LARP4B: variants seen among roughly 807,000 people sequenced by gnomAD.
LARP4B encodes the protein la-related protein 4B.
LARP4B carries 12 observed loss-of-function variants against 89.8 expected under a neutral mutation model. That is an observed-to-expected ratio of 0.13 (90% CI 0.09 to 0.22). The LOEUF (loss-of-function observed/expected upper bound fraction) is 0.22, where lower values mean the gene tolerates loss of function less well. Among genes scored for constraint, LARP4B ranks in the 10% least tolerant of loss-of-function variants. The pLI, the probability that LARP4B is intolerant of heterozygous loss-of-function variation, is 1.00. For synonymous variants in LARP4B, 367 were observed against 363.3 expected (o/e 1.01, Z -0.12); for missense variants, 757 against 947.7 (o/e 0.80, Z 2.64).
chr10:917,674 A>G (rs926255803), intron 1 of LARP4B, among the ~76,000 whole-genome samples: 2 of 152,222 alleles, frequency 1.3e-5, no homozygotes, highest in African/African-American at 4.8e-5. Context: ...CCTCAAGAAG[A>G]GAGGAATTCA....
chr10:892,036 A>G (rs1393789281), intron 1 of LARP4B, among the ~76,000 whole-genome samples: 1 of 152,248 alleles, frequency 6.6e-6, no homozygotes, highest in Admixed American at 6.5e-5. Flanking sequence ...CATGGCCTAA[A>G]AGCAGATCTC....
At chr10:983,853 T>C in the LARP4B span, among the ~76,000 whole-genome samples, 2 of 152,214 alleles carry the variant, frequency 1.3e-5, no homozygotes, top group African/African-American at 4.8e-5. Flanking sequence ...TAATTTAGAC[T>C]GTCCAGACAC....
chr10:820,065 C>G (rs772186882), intron 14 of LARP4B: 6 of 151,942 alleles, frequency 3.9e-5, no homozygotes, highest in Non-Finnish European at 7.3e-5. Context: ...ACACTGCCAC[C>G]GTACCGTCCC....
the LARP4B span, among the ~76,000 whole-genome samples, chr10:940,520 G>A: frequency 1.1e-4 from 17 of 152,256 alleles, no homozygotes; most frequent in Admixed American, 2.0e-4. Flanking sequence ...GGCCAGGAAC[G>A]TGGCGGGGGG....
intron 1 of LARP4B, among the ~76,000 whole-genome samples, chr10:924,925 T>A (rs1486298120): frequency 6.6e-6 from 1 of 152,244 alleles, no homozygotes; most frequent in African/African-American, 2.4e-5. Flanking sequence ...GTTCTAAGGC[T>A]TAGGTTCATA....
At chr10:935,722 CTTTTTTTT>C (rs10711022), upstream of LARP4B, among the ~76,000 whole-genome samples, 6 of 83,920 alleles carry the variant, frequency 7.1e-5, no homozygotes, top group Non-Finnish European at 9.3e-5. Flanking sequence ...CTTTTCTTTT[CTTTTTTTT>C]TTTTTTTTTT....
rs571328277 is a variant in LARP4B at position 859,606 on chromosome 10, G to C, written c.430+4137C>G. Among the ~76,000 whole-genome samples the C allele has an allele frequency of 1.4e-3, 216 of 152,266 alleles. 2 individuals are homozygous for C. The highest frequency in any genetic ancestry group is 2.4e-3 in the Non-Finnish European group (161 of 68,022). The stretch of plus-strand genomic sequence containing the variant: ...GCTAACAGCATCTTTATTTGTAATT[G>C]CCAAAACCTGGAAACAACCAAGATG... On this transcript the variant is annotated intron_variant, in intron 5 of 17. Transcript: ENST00000316157.
intron 3 of LARP4B, 62 bp from the exon 4 acceptor site, chr10:864,332 T>C (rs1834781033): frequency 1.3e-6 from 2 of 1,557,038 alleles, no homozygotes; most frequent in African/African-American, 2.7e-5. Context: ...ATTTTACTCA[T>C]TAATGCAGAG....
intron 1 of LARP4B, among the ~76,000 whole-genome samples, chr10:888,350 A>C (rs1051875399): frequency 3.7e-5 from 5 of 135,834 alleles, no homozygotes; most frequent in Non-Finnish European, 6.8e-5. Flanking sequence ...AAAAAAAAAA[A>C]CACACACACA....
chr10:830,052 A>G (rs1191481448), intron 9 of LARP4B, among the ~76,000 whole-genome samples: 2 of 152,252 alleles, frequency 1.3e-5, no homozygotes, highest in Non-Finnish European at 2.9e-5. Flanking sequence ...CTGAGTTCCT[A>G]GTATTCATCC....
At chr10:929,923 C>T (rs1386643837) in intron 1 of LARP4B, among the ~76,000 whole-genome samples, 1 of 152,116 alleles carries the variant, frequency 6.6e-6, no homozygotes, top group African/African-American at 2.4e-5. Flanking sequence ...ACGCATTTCA[C>T]TTAGCAAACC....
the LARP4B span, among the ~76,000 whole-genome samples, chr10:954,612 G>A: frequency 9.9e-5 from 15 of 152,132 alleles, no homozygotes; most frequent in African/African-American, 3.4e-4. The surrounding 1 kb of genome is among the most constrained non-coding windows in gnomAD (Gnocchi z 5.0). Flanking sequence ...GGGACCGAGA[G>A]GCCACAGAAC....
At chr10:948,163 C>T in the LARP4B span, among the ~76,000 whole-genome samples, 4 of 152,068 alleles carry the variant, frequency 2.6e-5, no homozygotes, top group African/African-American at 7.2e-5. Context: ...AGCTCACACA[C>T]GGTCAAAGAC....
chr10:961,768 T>C, the LARP4B span, among the ~76,000 whole-genome samples: 1 of 152,110 alleles, frequency 6.6e-6, no homozygotes. Flanking sequence ...GGGGAACTCA[T>C]AGAGCAAGAA....
chr10:900,916 C>T (rs1297291859), intron 1 of LARP4B, among the ~76,000 whole-genome samples: 1 of 116,788 alleles, frequency 8.6e-6, no homozygotes, highest in African/African-American at 3.2e-5. Context: ...CAGCGCCTGG[C>T]CTCTTTTTTT....
chr10:848,399 T>C (rs1485466808), intron 5 of LARP4B, among the ~76,000 whole-genome samples: 1 of 151,890 alleles, frequency 6.6e-6, no homozygotes, highest in Non-Finnish European at 1.5e-5. Context: ...TTACCATGCA[T>C]GCAAAGAAAG....
intron 1 of LARP4B, among the ~76,000 whole-genome samples, chr10:918,959 T>TAGTC (rs1361023103): frequency 6.6e-6 from 1 of 151,954 alleles, no homozygotes; most frequent in Non-Finnish European, 1.5e-5. Flanking sequence ...CGGGCGCCTG[T>TAGTC]AGTCCCAGCT....
intron 3 of LARP4B, among the ~76,000 whole-genome samples, chr10:877,250 G>A (rs770818385): frequency 3.9e-5 from 6 of 152,146 alleles, no homozygotes; most frequent in African/African-American, 9.7e-5. Context: ...GTGTGGGGGC[G>A]CGTGTCTGTA....
rs770665715 is a variant in LARP4B at position 825,288 on chromosome 10, C to G, written c.1261G>C (p.Ala421Pro). ...GGTCCCCTCTCTGCACTAGGAATCG[C>G]ATGCCGCAGATGAGATTTACTAGGA... The part of the protein sequence containing the change: ...RNPSKSHLRH[A>P]IPSAERGPGL... Residue 421 changes from alanine to proline, a missense_variant, in exon 13 of 18, where the codon GCG becomes CCG. Around this residue, in one of 5 missense-constraint regions of LARP4B, gnomAD observed 387 missense variants for 423.6 expected, o/e 0.91. Coordinates refer to ENST00000316157, the MANE Select transcript of LARP4B (RefSeq NM_015155.3). 6.2e-7 allele frequency: 1 copy of G among 1,614,188 alleles called. No homozygotes were observed. The highest frequency in any genetic ancestry group is 1.1e-5 in the South Asian group (1 of 91,084).
Sources: gnomAD v4.1 joint callset for allele counts (sites outside exome capture counted in the v4.1 genomes callset) on GRCh38, gnomAD v4.1.1 for gene constraint, gnomAD v4.1.1 regional missense constraint, Gnocchi (gnomAD v3.1) non-coding constraint, MANE v1.5 for transcripts, NCBI Gene and HGNC (gene_info 2026-07-23, HGNC 2026-07-21) for gene names.